CDH13: variants seen among roughly 807,000 people sequenced by gnomAD.
CDH13 encodes cadherin 13.
CDH13 carries 24 observed loss-of-function variants against 63.8 expected under a neutral mutation model. That is an observed-to-expected ratio of 0.38 (90% CI 0.27 to 0.53). The LOEUF (loss-of-function observed/expected upper bound fraction) is 0.53, where lower values mean the gene tolerates loss of function less well. Ranked by LOEUF, CDH13 falls within the 20% of genes least tolerant of loss-of-function variation. CDH13 has a pLI of 0.85. For synonymous variants in CDH13, 503 were observed against 355.3 expected (o/e 1.42, Z -4.67); for missense variants, 1,049 against 903.1 (o/e 1.16, Z -2.07).
At chr16:82,685,313 A>G (rs1221511714) in intron 1 of CDH13, among the ~76,000 whole-genome samples, 1 of 152,222 alleles carries the variant, frequency 6.6e-6, no homozygotes, top group Non-Finnish European at 1.5e-5. Context: ...CCATGGTGCC[A>G]TCTAGCCGTG....
intron 4 of CDH13, among the ~76,000 whole-genome samples, chr16:83,173,351 A>G (rs1278715961): frequency 6.6e-6 from 1 of 152,128 alleles, no homozygotes; most frequent in Non-Finnish European, 1.5e-5. Context: ...AATATTTGCT[A>G]TGGAACTTGT....
At chr16:83,349,122 T>C (rs2090899441) in intron 6 of CDH13, among the ~76,000 whole-genome samples, 1 of 152,192 alleles carries the variant, frequency 6.6e-6, no homozygotes. Context: ...GAATCATTCC[T>C]GGATGAAGGA....
At chr16:82,891,093 T>C (rs534720456) in intron 2 of CDH13, among the ~76,000 whole-genome samples, 1 of 152,124 alleles carries the variant, frequency 6.6e-6, no homozygotes, top group African/African-American at 2.4e-5. Context: ...ATTCAATTCT[T>C]TTATTATCTC....
intron 1 of CDH13, among the ~76,000 whole-genome samples, chr16:82,764,394 GCTCTTAGTGAAATAAAA>G (rs1567510793): frequency 6.6e-6 from 1 of 152,120 alleles, no homozygotes; most frequent in African/African-American, 2.4e-5. Flanking sequence ...GATTCTTTCA[GCTCTTAGTGAAATAAAA>G]CTAGAAATGG....
In CDH13 at chr16:82,687,294, G is replaced by T. The variant is rs188804305; in HGVS notation, c.45+60157G>T. Among the ~76,000 whole-genome samples the T allele has an allele frequency of 1.9e-3, 296 of 152,322 alleles. 1 individual carries two copies. Among genetic ancestry groups the T allele is most frequent in the African/African-American group, 6.7e-3 (278 of 41,568 alleles). Reference sequence around the variant, plus strand: ...TTAACTTCTGGGATACTGGGTGGTGGTGGGGTTACTATTTCCAATTTATAG... The same window carrying T: ...TTAACTTCTGGGATACTGGGTGGTGTTGGGGTTACTATTTCCAATTTATAG... On this transcript the variant is annotated intron_variant, in intron 1 of 13. Transcript: ENST00000567109.
chr16:83,711,366 A>G (rs1049248139), intron 10 of CDH13, among the ~76,000 whole-genome samples: 1 of 152,148 alleles, frequency 6.6e-6, no homozygotes, highest in Non-Finnish European at 1.5e-5. Flanking sequence ...CATAGTAGGA[A>G]TTGGTTTATC....
intron 6 of CDH13, among the ~76,000 whole-genome samples, chr16:83,386,142 A>C (rs746675453): frequency 6.6e-6 from 1 of 152,252 alleles, no homozygotes; most frequent in African/African-American, 2.4e-5. Flanking sequence ...TTGAGGAAAC[A>C]TGAGCTGCTG....
At chr16:82,795,280 G>T (rs937638726) in intron 1 of CDH13, among the ~76,000 whole-genome samples, 1 of 152,104 alleles carries the variant, frequency 6.6e-6, no homozygotes, top group African/African-American at 2.4e-5. Context: ...GGAAATCAAG[G>T]GTGCTGAGTA....
At position 83,045,634 on chromosome 16, in the gene CDH13, T is replaced by TAAAAAA. The variant is rs71382861; in HGVS notation, c.366+13436_366+13441dup. ...TCTGGGCGACAGATCAAGATTCCTT[T>TAAAAAA]AAAAAAAAAAAAAAAAAAAAAAAAA... is the stretch of plus-strand genomic sequence containing the variant. On this transcript the variant is annotated intron_variant, in intron 3 of 13. Transcript: ENST00000567109. 2.5e-3 allele frequency among the ~76,000 whole-genome samples: 267 copies of TAAAAAA among 107,868 alleles called. 4 individuals carry two copies. Among genetic ancestry groups the TAAAAAA allele is most frequent in the South Asian group, 6.1e-3 (18 of 2,958 alleles). The allele number at this position is 107,868 out of a possible 152,430, so 70.8% of individuals were successfully genotyped here.
At chr16:83,629,462 T>C (rs1025051921) in intron 8 of CDH13, among the ~76,000 whole-genome samples, 2 of 152,176 alleles carry the variant, frequency 1.3e-5, no homozygotes, top group Non-Finnish European at 2.9e-5. Flanking sequence ...TATTATAGGA[T>C]CATAATTTTA....
chr16:83,596,816 C>T (rs977519992), intron 7 of CDH13, among the ~76,000 whole-genome samples: 2 of 152,150 alleles, frequency 1.3e-5, no homozygotes, highest in Admixed American at 6.5e-5. Flanking sequence ...CTTTCATTAT[C>T]GGTTTTGGGG....
At chr16:83,391,052 C>G (rs373990416) in intron 6 of CDH13, among the ~76,000 whole-genome samples, 2 of 152,274 alleles carry the variant, frequency 1.3e-5, no homozygotes, top group East Asian at 1.9e-4. Flanking sequence ...GTGGGTTGAA[C>G]AAATGGGTTC....
intron 1 of CDH13, among the ~76,000 whole-genome samples, chr16:82,782,996 A>G (rs2035837109): frequency 6.6e-6 from 1 of 152,228 alleles, no homozygotes; most frequent in Non-Finnish European, 1.5e-5. Context: ...TGAACCCAGC[A>G]TTGCCAAACA....
At chr16:83,414,506 C>T (rs2092171893) in intron 6 of CDH13, among the ~76,000 whole-genome samples, 1 of 152,156 alleles carries the variant, frequency 6.6e-6, no homozygotes, top group Admixed American at 6.5e-5. Flanking sequence ...CATTGTATGG[C>T]AGATTGCTAG....
intron 10 of CDH13, among the ~76,000 whole-genome samples, chr16:83,715,043 C>G (rs912236454): frequency 2.0e-5 from 3 of 152,070 alleles, no homozygotes; most frequent in Admixed American, 1.3e-4. Flanking sequence ...TAGCTAGGTT[C>G]GAGAGTAAGA....
At chr16:82,947,722 C>G (rs778991865) in intron 2 of CDH13, among the ~76,000 whole-genome samples, 1 of 152,002 alleles carries the variant, frequency 6.6e-6, no homozygotes, top group Non-Finnish European at 1.5e-5. Context: ...GGTGGGAATC[C>G]CACTACAGTC....
At chr16:82,838,310 A>T (rs146379083) in intron 1 of CDH13, among the ~76,000 whole-genome samples, 2 of 152,158 alleles carry the variant, frequency 1.3e-5, no homozygotes, top group African/African-American at 4.8e-5. Context: ...TGGCAGAAGA[A>T]CATGCCCGTC....
At chr16:83,049,359 C>T (rs1389389214) in intron 3 of CDH13, among the ~76,000 whole-genome samples, 1 of 122,160 alleles carries the variant, frequency 8.2e-6, no homozygotes, top group Non-Finnish European at 1.6e-5. Flanking sequence ...GACAGAGTCT[C>T]ACTCTGTCGC....
At chr16:83,389,653 A>G (rs1228491095) in intron 6 of CDH13, among the ~76,000 whole-genome samples, 1 of 152,202 alleles carries the variant, frequency 6.6e-6, no homozygotes, top group African/African-American at 2.4e-5. Flanking sequence ...ATGGTGTCAC[A>G]TAGCTTGTTG....
Sources: gnomAD v4.1 joint callset for allele counts (sites outside exome capture counted in the v4.1 genomes callset) on GRCh38, gnomAD v4.1.1 for gene constraint, MANE v1.5 for transcripts, NCBI Gene and HGNC (gene_info 2026-07-23, HGNC 2026-07-21) for gene names.